Variants in PALM2AKAP2 observed in about 807,000 individuals in gnomAD.
PALM2AKAP2 encodes PALM2 and AKAP2 fusion, also known as PALM2-AKAP2 fusion protein.
PALM2AKAP2 carries 37 observed loss-of-function variants against 71.5 expected under a neutral mutation model. The observed-to-expected ratio is 0.52, with a 90% CI of 0.40 to 0.68. The LOEUF (loss-of-function observed/expected upper bound fraction) is 0.68. Ranked by LOEUF, PALM2AKAP2 falls within the 30% of genes least tolerant of loss-of-function variation. PALM2AKAP2 has a pLI of 0.00. For missense variants in PALM2AKAP2, 1,224 were observed against 1,191.8 expected (o/e 1.03, Z -0.40); for synonymous variants, 468 against 478.8 (o/e 0.98, Z 0.29).
At chr9:110,151,793 C>T (rs896500821) in intron 2 of PALM2AKAP2, among the ~76,000 whole-genome samples, 2 of 152,234 alleles carry the variant, frequency 1.3e-5, no homozygotes, top group Admixed American at 6.5e-5. Flanking sequence ...TGGTTCCTTA[C>T]GTTCCTTATA....
chr9:109,991,412 T>C (rs552679917), intron 6 of PALM2AKAP2, among the ~76,000 whole-genome samples: 2 of 151,884 alleles, frequency 1.3e-5, no homozygotes, highest in Admixed American at 1.3e-4. Context: ...AATTTAAATT[T>C]TTTTTTTTCA....
chr9:109,816,746 G>T (rs1177719637), intron 1 of PALM2AKAP2, among the ~76,000 whole-genome samples: 4 of 152,236 alleles, frequency 2.6e-5, no homozygotes, highest in African/African-American at 9.6e-5. Context: ...CAGAAGATCA[G>T]CTGGGGACAG....
intron 1 of PALM2AKAP2, chr9:110,048,957 G>A: frequency 2.2e-6 from 3 of 1,363,830 alleles, no homozygotes; most frequent in South Asian, 1.6e-5. Context: ...AAATCTGGGA[G>A]TCCTCGGAAG....
intron 1 of PALM2AKAP2, among the ~76,000 whole-genome samples, chr9:110,077,881 G>A (rs1487201486): frequency 6.6e-6 from 1 of 152,038 alleles, no homozygotes; most frequent in Non-Finnish European, 1.5e-5. Context: ...GGGCGTGGTG[G>A]TGTACGCCTG....
chr9:110,001,087 C>T (rs972335083), intron 6 of PALM2AKAP2, among the ~76,000 whole-genome samples: 1 of 152,130 alleles, frequency 6.6e-6, no homozygotes, highest in Non-Finnish European at 1.5e-5. Flanking sequence ...AAATCCTTAC[C>T]CATGCCTATG....
intron 2 of PALM2AKAP2, among the ~76,000 whole-genome samples, chr9:110,146,194 C>T (rs564349607): frequency 9.9e-5 from 15 of 152,134 alleles, no homozygotes; most frequent in African/African-American, 2.4e-4. Flanking sequence ...CGTGAGCCAC[C>T]GCGTGCAGCC....
chr9:110,023,067 G>A (rs1035108311), intron 7 of PALM2AKAP2, among the ~76,000 whole-genome samples: 4 of 151,894 alleles, frequency 2.6e-5, no homozygotes, highest in Non-Finnish European at 4.4e-5. Flanking sequence ...ATAGCAGCAT[G>A]ATTTATAATC....
At chr9:109,770,024 G>C (rs149434210) in intron 1 of PALM2AKAP2, among the ~76,000 whole-genome samples, 1 of 152,136 alleles carries the variant, frequency 6.6e-6, no homozygotes, top group African/African-American at 2.4e-5. Context: ...CCAGAGAGGG[G>C]ATTCCTTGGC....
rs573178265 is a variant in PALM2AKAP2, at chr9:109,772,038, C to A, written c.6-8450C>A. The A allele has an allele frequency of 2.0e-5, 3 of 152,668 alleles. No homozygotes were observed. The South Asian group carries it at 6.2e-4, about 32-fold the overall frequency. The allele number at this position is 152,668 out of a possible 1,614,324, so 9.5% of individuals were successfully genotyped here. A position where few individuals can be genotyped will look rare whatever the true frequency, so the allele number is the denominator to read the frequency against. Reference sequence around the variant, plus strand: ...TTTCCGTGGGGACAGACACTGTTTTCCCTGGGGAGGCCAGAGAGCTGCTGA... The same window carrying A: ...TTTCCGTGGGGACAGACACTGTTTTACCTGGGGAGGCCAGAGAGCTGCTGA... On this transcript the variant is annotated intron_variant, in intron 1 of 6. Transcript: ENST00000374531.
chr9:110,042,403 C>G (rs1324433926), intron 7 of PALM2AKAP2, among the ~76,000 whole-genome samples: 1 of 141,104 alleles, frequency 7.1e-6, no homozygotes, highest in Non-Finnish European at 1.5e-5. Context: ...TCCAGCCTGG[C>G]AGTAAGTCTA....
intron 1 of PALM2AKAP2, among the ~76,000 whole-genome samples, chr9:110,128,378 G>A (rs1238790893): frequency 6.6e-6 from 1 of 152,220 alleles, no homozygotes; most frequent in Non-Finnish European, 1.5e-5. Flanking sequence ...ACAAAAGAGA[G>A]GCAGGATGAG....
At chr9:109,711,854 T>C (rs1183481980) in intron 1 of PALM2AKAP2, among the ~76,000 whole-genome samples, 3 of 152,222 alleles carry the variant, frequency 2.0e-5, no homozygotes, top group African/African-American at 7.2e-5. Flanking sequence ...ACTGGGATCT[T>C]CCATTTCTTT....
chr9:110,145,667 C>T (rs527688326), intron 2 of PALM2AKAP2, among the ~76,000 whole-genome samples: 2 of 152,000 alleles, frequency 1.3e-5, no homozygotes, highest in South Asian at 4.2e-4. Context: ...CCTGTGTTCT[C>T]TTTATCTAAA....
At chr9:109,963,027 G>A (rs1831880672) in intron 6 of PALM2AKAP2, among the ~76,000 whole-genome samples, 1 of 152,198 alleles carries the variant, frequency 6.6e-6, no homozygotes, top group Admixed American at 6.5e-5. Context: ...CAATTGCAGA[G>A]CTAGGATTCA....
At chr9:109,905,675 C>T (rs571407775) in intron 3 of PALM2AKAP2, among the ~76,000 whole-genome samples, 8 of 152,312 alleles carry the variant, frequency 5.3e-5, no homozygotes, top group South Asian at 4.1e-4. Context: ...TTGCTGCAGC[C>T]GGGTGAGGGC....
chr9:110,117,280 C>T (rs967630509), intron 1 of PALM2AKAP2, among the ~76,000 whole-genome samples: 2 of 152,056 alleles, frequency 1.3e-5, no homozygotes, highest in African/African-American at 2.4e-5. Context: ...CCACCATGCC[C>T]GGTTCATTTT....
intron 1 of PALM2AKAP2, among the ~76,000 whole-genome samples, chr9:109,669,195 T>G (rs754033484): frequency 4.6e-5 from 7 of 152,214 alleles, no homozygotes; most frequent in Non-Finnish European, 1.0e-4. Flanking sequence ...AGGTTTTTCA[T>G]AGGTACTCTG....
At chr9:109,994,337 A>G (rs890531601) in intron 6 of PALM2AKAP2, among the ~76,000 whole-genome samples, 1 of 152,234 alleles carries the variant, frequency 6.6e-6, no homozygotes, top group Non-Finnish European at 1.5e-5. Context: ...GACAAACAGT[A>G]TCTGTGTTTT....
intron 6 of PALM2AKAP2, among the ~76,000 whole-genome samples, chr9:110,008,933 A>G (rs1433402770): frequency 6.6e-6 from 1 of 151,852 alleles, no homozygotes; most frequent in Admixed American, 6.6e-5. Context: ...CAATGGCCAG[A>G]ACTGGTCACA....
Sources: allele counts gnomAD v4.1 joint callset (sites outside exome capture counted in the v4.1 genomes callset), GRCh38; gene constraint gnomAD v4.1.1; transcripts MANE v1.5; gene names NCBI Gene and HGNC (gene_info 2026-07-23, HGNC 2026-07-21).